Variants in PTPRS observed in about 807,000 individuals in gnomAD.
PTPRS encodes protein tyrosine phosphatase receptor type S, also known as receptor-type tyrosine-protein phosphatase S.
PTPRS carries 63 observed loss-of-function variants against 215.3 expected under a neutral mutation model. That is an observed-to-expected ratio of 0.29 (90% CI 0.24 to 0.36). The LOEUF (loss-of-function observed/expected upper bound fraction) is 0.36, where lower values mean the gene tolerates loss of function less well. Among genes scored for constraint, PTPRS ranks in the 10% least tolerant of loss-of-function variants. The probability of loss-of-function intolerance (pLI) is 1.00; values close to 1 mark genes in which losing one functional copy is unlikely to be tolerated. For synonymous variants in PTPRS, 1,404 were observed against 1,191.4 expected (o/e 1.18, Z -3.68); for missense variants, 2,258 against 2,825.8 (o/e 0.80, Z 4.56).
chr19:5,264,179 AG>A (rs1285803640), intron 5 of PTPRS, among the ~76,000 whole-genome samples: 3 of 38,330 alleles, frequency 7.8e-5, no homozygotes, highest in African/African-American at 1.5e-4. Flanking sequence ...CTTACTGCTC[AG>A]CCTTGGAGAG....
chr19:5,330,838 CCT>C (rs139702144), intron 1 of PTPRS, among the ~76,000 whole-genome samples: 4,913 of 152,232 alleles, frequency 0.032, 97 homozygotes, highest in South Asian at 0.094. Context: ...GACCTGGCAG[CCT>C]CTCTGCACCC....
rs780737173 is a variant in PTPRS, at chr19:5,273,433, G to GC, written c.379+8dup. 6.2e-7 allele frequency: 1 copy of GC among 1,614,138 alleles called. No individual in the cohort carries two copies. Among genetic ancestry groups the GC allele is most frequent in the South Asian group, 1.1e-5 (1 of 91,084 alleles). On this transcript the variant is annotated intron_variant, in intron 4 of 37. Coordinates refer to ENST00000262963, the MANE Select transcript of PTPRS (RefSeq NM_002850.4). ...GTTTATCCTCCGCCCGCCCTGAGGA[G>GC]CCCAATACCTCGGAGGACAGTAAGC... is the stretch of plus-strand genomic sequence containing the variant.
chr19:5,217,385 A>C (rs1388405363), intron 25 of PTPRS, among the ~76,000 whole-genome samples: 1 of 152,170 alleles, frequency 6.6e-6, no homozygotes, highest in Admixed American at 6.5e-5. Context: ...AAGCAACACG[A>C]ATCAGTACAG....
rs1423496342 is a variant in PTPRS, at chr19:5,338,443, A to C, written c.-95+2221T>G. On this transcript the variant is annotated intron_variant, in intron 1 of 37. Coordinates refer to ENST00000262963, the MANE Select transcript of PTPRS (RefSeq NM_002850.4). The surrounding 1 kb of genome is among the most constrained non-coding windows in gnomAD (Gnocchi z 4.2). ...GGCAGGACCCTGCTTCCCGGAGGGA[A>C]ATAATGAAGACTCCGCCAGCCTGCC... 6.6e-6 allele frequency among the ~76,000 whole-genome samples: 1 copy of C among 152,134 alleles called. No homozygotes were observed. Among genetic ancestry groups the C allele is most frequent in the Non-Finnish European group, 1.5e-5 (1 of 68,022 alleles).
At position 5,215,569 on chromosome 19, in the gene PTPRS, T is replaced by C. The variant is rs1358436135; in HGVS notation, c.4123A>G (p.Ile1375Val). 3 of 1,603,360 alleles carry C rather than the reference T, an allele frequency of 1.9e-6. No homozygotes were observed. The South Asian group carries it at 3.3e-5, about 18-fold the overall frequency. Residue 1375 changes from isoleucine to valine, a missense_variant, in exon 27 of 38, where the codon ATC (isoleucine) becomes GTC (valine). Transcript: ENST00000262963. Reference sequence around the variant, plus strand: ...TCCGTGTGCTCCGCCATGTCTGCGATGGGAATTGGCGGGTGGCTAAGCATG... The same window carrying C: ...TCCGTGTGCTCCGCCATGTCTGCGACGGGAATTGGCGGGTGGCTAAGCATG... ...ESMLSHPPIP[I>V]ADMAEHTERL...
chr19:5,314,935 G>A (rs544246900), intron 1 of PTPRS, among the ~76,000 whole-genome samples: 2 of 152,322 alleles, frequency 1.3e-5, no homozygotes, highest in Admixed American at 1.3e-4. Flanking sequence ...ATTCAGATTT[G>A]GGACTGAGGA....
In PTPRS at chr19:5,301,092, T is replaced by A. The variant is rs531441838; in HGVS notation, c.-94-14858A>T. Among the ~76,000 whole-genome samples the A allele has an allele frequency of 4.6e-5, 7 of 152,274 alleles. 1 individual carries two copies. The South Asian group carries it at 1.4e-3, about 32-fold the overall frequency. On this transcript the variant is annotated intron_variant, in intron 1 of 37. Coordinates refer to ENST00000262963, the MANE Select transcript of PTPRS (RefSeq NM_002850.4). ...ATCTCCCTGGCTGGCCAGCAAAGCA[T>A]CCTCTGGGAGCTCTTGCTCCAGCCC...
At chr19:5,285,250 T>G (rs1445697863) in intron 2 of PTPRS, among the ~76,000 whole-genome samples, 1 of 152,220 alleles carries the variant, frequency 6.6e-6, no homozygotes, top group East Asian at 1.9e-4. Flanking sequence ...CCAGCCTGAC[T>G]GCAGAACCCA....
chr19:5,276,689 C>T lies in PTPRS; in HGVS notation c.92-2345G>A, dbSNP rs534994767. Reference sequence around the variant, plus strand: ...CCAAGGAGCTGGGACTACAGATGCCCGCCACCATGCCCAGCTAATTTTTTT... The same window carrying T: ...CCAAGGAGCTGGGACTACAGATGCCTGCCACCATGCCCAGCTAATTTTTTT... On this transcript the variant is annotated intron_variant, in intron 2 of 37. Coordinates refer to ENST00000262963, the MANE Select transcript of PTPRS (RefSeq NM_002850.4). Among the ~76,000 whole-genome samples the T allele has an allele frequency of 2.6e-4, 40 of 151,992 alleles. No individual in the cohort carries two copies. In the South Asian group the frequency reaches 8.3e-3, roughly 32 times the overall value.
At chr19:5,336,915 T>C (rs1326387977) in intron 1 of PTPRS, among the ~76,000 whole-genome samples, 1 of 152,122 alleles carries the variant, frequency 6.6e-6, no homozygotes, top group Non-Finnish European at 1.5e-5. Context: ...AGGGTTCTCA[T>C]CCTCCTTGCA....
At chr19:5,252,628 C>G (rs909834613) in intron 9 of PTPRS, among the ~76,000 whole-genome samples, 3 of 149,232 alleles carry the variant, frequency 2.0e-5, no homozygotes, top group African/African-American at 7.4e-5. Context: ...ACCTGTAATC[C>G]CAGCACTTTT....
chr19:5,254,877 TAC>T (rs1214490678), intron 9 of PTPRS, among the ~76,000 whole-genome samples: 3 of 152,192 alleles, frequency 2.0e-5, no homozygotes, highest in African/African-American at 7.2e-5. Flanking sequence ...CCAGAATGCA[TAC>T]AGTCATCACA....
intron 1 of PTPRS, among the ~76,000 whole-genome samples, chr19:5,297,110 C>G (rs1211796752): frequency 6.6e-6 from 1 of 152,138 alleles, no homozygotes; most frequent in Non-Finnish European, 1.5e-5. Flanking sequence ...CTACTCCGTG[C>G]CCTTGGGGGC....
intron 13 of PTPRS, among the ~76,000 whole-genome samples, chr19:5,232,567 A>G (rs1036462759): frequency 2.8e-5 from 4 of 145,008 alleles, no homozygotes; most frequent in African/African-American, 9.8e-5. Context: ...AGCTCCATTT[A>G]TTAGGCACCT....
intron 20 of PTPRS, among the ~76,000 whole-genome samples, 163 bp downstream of exon 20, chr19:5,220,837 C>T (rs1380426869): frequency 6.6e-6 from 1 of 152,102 alleles, no homozygotes; most frequent in African/African-American, 2.4e-5. Flanking sequence ...GACAATGACC[C>T]ATGAGAAGCA....
chr19:5,259,506 C>G (rs2045822056), intron 7 of PTPRS, among the ~76,000 whole-genome samples: 1 of 152,156 alleles, frequency 6.6e-6, no homozygotes, highest in Non-Finnish European at 1.5e-5. Flanking sequence ...TTGATAAAAA[C>G]TTGAGTGCCC....
chr19:5,263,259 C>T (rs887624522), intron 5 of PTPRS, among the ~76,000 whole-genome samples: 7 of 152,108 alleles, frequency 4.6e-5, no homozygotes, highest in African/African-American at 1.4e-4. Flanking sequence ...GGCCTATGAG[C>T]TGCAAACATC....
intron 1 of PTPRS, among the ~76,000 whole-genome samples, chr19:5,320,748 A>G (rs2050004412): frequency 6.6e-6 from 1 of 152,002 alleles, no homozygotes; most frequent in South Asian, 2.1e-4. Flanking sequence ...CAATCGTCAC[A>G]CTGTCCTCAT....
At chr19:5,249,061 A>G (rs866147990) in intron 9 of PTPRS, among the ~76,000 whole-genome samples, 1 of 152,268 alleles carries the variant, frequency 6.6e-6, no homozygotes, top group Non-Finnish European at 1.5e-5. Context: ...CTGTGATCCC[A>G]GCACTTTGGG....
Sources: allele counts gnomAD v4.1 joint callset (sites outside exome capture counted in the v4.1 genomes callset), GRCh38; gene constraint gnomAD v4.1.1; non-coding constraint Gnocchi (gnomAD v3.1); transcripts MANE v1.5; gene names NCBI Gene and HGNC (gene_info 2026-07-23, HGNC 2026-07-21).